Variants in WARS2 observed in about 807,000 individuals in gnomAD.
The protein encoded by WARS2 is tryptophan--tRNA ligase, mitochondrial.
WARS2 carries 28 observed loss-of-function variants against 36.5 expected under a neutral mutation model. That is an observed-to-expected ratio of 0.77 (90% CI 0.57 to 1.05). The LOEUF (loss-of-function observed/expected upper bound fraction) is 1.05. Ranked by LOEUF, WARS2 falls within the 50% of genes least tolerant of loss-of-function variation. The pLI, the probability that WARS2 is intolerant of heterozygous loss-of-function variation, is 0.00. For synonymous variants in WARS2, 174 were observed against 178.4 expected, an observed-to-expected ratio of 0.98 and a Z score of 0.20; for missense variants, 435 against 456.8, an observed-to-expected ratio of 0.95 and a Z score of 0.44.
rs376919919 is a variant in WARS2, at chr1:119,099,716, T to C, written c.91-23109A>G. On this transcript the variant is annotated intron_variant, in intron 1 of 5. Transcript: ENST00000235521. ...TTACACTGGAGAAGGGACATCCTCT[T>C]CAATAAATAATGCTGGGAAAATTGG... Among the ~76,000 whole-genome samples, 7 of 152,276 alleles carry C rather than the reference T, an allele frequency of 4.6e-5. No homozygotes were observed. The East Asian group carries it at 1.2e-3, about 25-fold the overall frequency.
At chr1:119,054,008 G>A (rs1649572140) in intron 2 of WARS2, among the ~76,000 whole-genome samples, 1 of 151,784 alleles carries the variant, frequency 6.6e-6, no homozygotes, top group Non-Finnish European at 1.5e-5. Context: ...AGTGAGCTAT[G>A]ATAACACCAC....
rs772471478 is a variant in WARS2, at chr1:119,101,234, T to A, written c.91-24627A>T. Among the ~76,000 whole-genome samples, 21 of 152,260 alleles carry A rather than the reference T, an allele frequency of 1.4e-4. 1 individual carries two copies. In the East Asian group the frequency reaches 2.1e-3, roughly 15 times the overall value. ...GTACCCTTACTTGATCACTATGTATTATATACGTGTAACAAAATTTCACAT... is the reference window on the plus strand; with the variant it reads ...GTACCCTTACTTGATCACTATGTATAATATACGTGTAACAAAATTTCACAT... On this transcript the variant is annotated intron_variant, in intron 1 of 5. Coordinates refer to ENST00000235521, the MANE Select transcript of WARS2 (RefSeq NM_015836.4).
intron 1 of WARS2, among the ~76,000 whole-genome samples, chr1:119,135,987 G>A (rs1214772012): frequency 6.6e-6 from 1 of 152,126 alleles, no homozygotes; most frequent in Non-Finnish European, 1.5e-5. Context: ...GCCCAGGTTG[G>A]TCTGAAATTC....
At chr1:119,049,279 C>G (rs1337168324) in intron 2 of WARS2, among the ~76,000 whole-genome samples, 2 of 152,056 alleles carry the variant, frequency 1.3e-5, no homozygotes, top group Non-Finnish European at 2.9e-5. Flanking sequence ...CGGCCCAACT[C>G]CAGGGGAAAA....
chr1:119,088,181 A>T (rs971051883), intron 1 of WARS2, among the ~76,000 whole-genome samples: 2 of 152,196 alleles, frequency 1.3e-5, no homozygotes, highest in Non-Finnish European at 2.9e-5. Flanking sequence ...AATGAAAAAG[A>T]GAAGGTCCCT....
chr1:119,057,992 A>C (rs898862839), intron 2 of WARS2, among the ~76,000 whole-genome samples: 5 of 152,164 alleles, frequency 3.3e-5, no homozygotes, highest in African/African-American at 9.7e-5. Context: ...AGTTTCTCTT[A>C]TATTAAGTGA....
chr1:119,108,749 C>T (rs957620457), intron 1 of WARS2, among the ~76,000 whole-genome samples: 5 of 151,830 alleles, frequency 3.3e-5, no homozygotes, highest in Non-Finnish European at 5.9e-5. Context: ...TTTTCACTTG[C>T]TTATTTTCAA....
At chr1:119,090,828 G>A (rs1055150510) in intron 1 of WARS2, among the ~76,000 whole-genome samples, 3 of 152,150 alleles carry the variant, frequency 2.0e-5, no homozygotes, top group Non-Finnish European at 4.4e-5. Context: ...CCTGGACATC[G>A]AGGCTGCAGT....
intron 2 of WARS2, among the ~76,000 whole-genome samples, chr1:119,051,043 T>G (rs1156502652): frequency 6.6e-6 from 1 of 152,186 alleles, no homozygotes; most frequent in Non-Finnish European, 1.5e-5. Context: ...TTTTAAATTT[T>G]ATTTTAGGTT....
At chr1:119,096,936 G>T (rs587673392) in intron 1 of WARS2, among the ~76,000 whole-genome samples, 3 of 152,268 alleles carry the variant, frequency 2.0e-5, no homozygotes, top group East Asian at 1.9e-4. Flanking sequence ...GGTACCACAC[G>T]TGATACCATT....
At chr1:119,065,335 C>T (rs1303772804) in intron 2 of WARS2, among the ~76,000 whole-genome samples, 2 of 151,966 alleles carry the variant, frequency 1.3e-5, no homozygotes, top group South Asian at 4.2e-4. Context: ...AAAAGCACAA[C>T]CACATAATTT....
At chr1:119,109,304 T>A (rs1407455307) in intron 1 of WARS2, among the ~76,000 whole-genome samples, 2 of 151,968 alleles carry the variant, frequency 1.3e-5, no homozygotes, top group African/African-American at 4.8e-5. Context: ...TCTCCAACTA[T>A]AAGAGTGCAT....
At chr1:119,109,438 T>C (rs1404908507) in intron 1 of WARS2, among the ~76,000 whole-genome samples, 1 of 152,020 alleles carries the variant, frequency 6.6e-6, no homozygotes, top group East Asian at 1.9e-4. Context: ...TATCATTAAG[T>C]AATGTTTCTC....
At chr1:119,117,010 G>T (rs1655017528) in intron 1 of WARS2, among the ~76,000 whole-genome samples, 1 of 152,200 alleles carries the variant, frequency 6.6e-6, no homozygotes, top group African/African-American at 2.4e-5. Flanking sequence ...TGCTTTCTCA[G>T]CTGGGAGGCT....
At chr1:119,114,420 C>G (rs1408860952) in intron 1 of WARS2, among the ~76,000 whole-genome samples, 1 of 152,092 alleles carries the variant, frequency 6.6e-6, no homozygotes, top group Non-Finnish European at 1.5e-5. Flanking sequence ...ATACCAGCAT[C>G]TAAAAGAAGA....
intron 1 of WARS2, among the ~76,000 whole-genome samples, chr1:119,078,260 A>G (rs1384937610): frequency 2.0e-5 from 3 of 152,200 alleles, no homozygotes; most frequent in African/African-American, 7.2e-5. Flanking sequence ...CAGTCAGTTT[A>G]AAAATTTGCA....
At chr1:119,086,497 A>C (rs1343746565) in intron 1 of WARS2, among the ~76,000 whole-genome samples, 1 of 152,212 alleles carries the variant, frequency 6.6e-6, no homozygotes, top group East Asian at 1.9e-4. Context: ...TTGTCCAAAG[A>C]AAAGCTTGAG....
chr1:119,044,792 G>C (rs771171432), intron 3 of WARS2, among the ~76,000 whole-genome samples: 1 of 152,108 alleles, frequency 6.6e-6, no homozygotes, highest in Non-Finnish European at 1.5e-5. Context: ...ACCTCACAAA[G>C]GCCCTACCTC....
chr1:119,125,625 C>T (rs1033340546), intron 1 of WARS2, among the ~76,000 whole-genome samples: 1 of 152,178 alleles, frequency 6.6e-6, no homozygotes, highest in Non-Finnish European at 1.5e-5. Context: ...TGAACAGGGT[C>T]TTTTAATCAT....
Sources: allele counts gnomAD v4.1 joint callset (sites outside exome capture counted in the v4.1 genomes callset), GRCh38; gene constraint gnomAD v4.1.1; transcripts MANE v1.5; gene names NCBI Gene and HGNC (gene_info 2026-07-23, HGNC 2026-07-21).